WDR11: variants seen among roughly 807,000 people sequenced by gnomAD.
The protein encoded by WDR11 is WD repeat-containing protein 11.
A neutral mutation model predicts 151.2 loss-of-function variants in WDR11; 83 were observed. That is an observed-to-expected ratio of 0.55 (90% CI 0.46 to 0.66). WDR11 has a LOEUF of 0.66. Ranked by LOEUF, WDR11 falls within the 30% of genes least tolerant of loss-of-function variation. WDR11 has a pLI of 0.00. For missense variants in WDR11, 1,301 were observed against 1,480.9 expected (o/e 0.88, Z 1.99); for synonymous variants, 484 against 533.1 (o/e 0.91, Z 1.27).
chr10:120,888,720 C>T (rs1847310736), intron 16 of WDR11, among the ~76,000 whole-genome samples: 1 of 152,122 alleles, frequency 6.6e-6, no homozygotes, highest in Admixed American at 6.6e-5. Flanking sequence ...TATCCTTTTG[C>T]AGTGAGAGAT....
rs147636256 is a variant in WDR11, at chr10:120,878,065, C to A, written c.1557-288C>A. On this transcript the variant is annotated intron_variant, in intron 11 of 28. Coordinates refer to ENST00000263461, the MANE Select transcript of WDR11 (RefSeq NM_018117.12). ...TGAAACTACTGTCATATGACTCTCT[C>A]CCTGGCCAGATTTTAATAGTCATAC... is the stretch of plus-strand genomic sequence containing the variant. Among the ~76,000 whole-genome samples, 973 of 152,220 alleles carry A rather than the reference C, an allele frequency of 6.4e-3. 22 individuals carry two copies. The highest frequency in any genetic ancestry group is 3.8e-3 in the Non-Finnish European group (260 of 68,008).
chr10:120,874,349 G>T (rs1372727762), intron 11 of WDR11, among the ~76,000 whole-genome samples: 1 of 150,168 alleles, frequency 6.7e-6, no homozygotes, highest in Non-Finnish European at 1.5e-5. Flanking sequence ...CCTTGTTCAG[G>T]TTTATTTTAT....
intron 19 of WDR11, among the ~76,000 whole-genome samples, chr10:120,892,541 A>T (rs927682084): frequency 6.6e-6 from 1 of 152,186 alleles, no homozygotes; most frequent in Admixed American, 6.5e-5. Context: ...GAGGAAAAAA[A>T]GTTTGAGGTA....
At chr10:120,906,122 G>T in intron 27 of WDR11, 101 bp downstream of exon 27, 1 of 1,600,112 alleles carries the variant, frequency 6.2e-7, no homozygotes, top group Non-Finnish European at 8.5e-7. Flanking sequence ...TGTGTAAAGT[G>T]AAAGGAGAAG....
chr10:120,857,597 A>G (rs1845993481), intron 2 of WDR11, among the ~76,000 whole-genome samples: 2 of 152,096 alleles, frequency 1.3e-5, no homozygotes, highest in African/African-American at 4.8e-5. Context: ...TTACAGGAAA[A>G]CCTTAAGGCC....
At chr10:120,889,227 G>A in intron 17 of WDR11, 43 bp downstream of exon 17, 1 of 1,156,824 alleles carries the variant, frequency 8.6e-7, no homozygotes, top group South Asian at 1.3e-5. Context: ...TTAAAAAAAA[G>A]AAATGAAATC....
rs771060813 is a variant in WDR11, at chr10:120,865,653, T to C, written c.903T>C (p.Asp301=). 6.2e-7 allele frequency: 1 copy of C among 1,610,290 alleles called. No homozygotes were observed. Residue 301 remains aspartate (D), a synonymous_variant, in exon 7 of 29, where the codon GAT becomes GAC. Coordinates refer to ENST00000263461, the MANE Select transcript of WDR11 (RefSeq NM_018117.12). ...FLQVIPCFQR[D]GLFCLHENGC... is the part of the protein sequence containing the mutation. The stretch of plus-strand genomic sequence containing the variant: ...AGGTAATACCCTGCTTTCAGCGTGA[T>C]GGTTTATTTTGTCTACATGAAAATG...
At position 120,852,619 on chromosome 10, in the gene WDR11, A is replaced by C; in HGVS notation, c.182A>C (p.Lys61Thr). 6.2e-7 allele frequency: 1 copy of C among 1,613,942 alleles called. No individual in the cohort carries two copies. The highest frequency in any genetic ancestry group is 8.5e-7 in the Non-Finnish European group (1 of 1,179,892). ...AQTLQVLEKH[K>T]ADVVKVKWAR... is the part of the protein sequence containing the mutation. ...ACTCTTCAAGTTTTAGAAAAGCATA[A>C]AGCTGATGTTGTAAAGGTAAGTAAA... Residue 61 changes from lysine to threonine, a missense_variant, in exon 2 of 29, where the codon AAA becomes ACA. Lys to Thr is a moderately conservative substitution (Grantham distance 78). Transcript: ENST00000263461.
intron 5 of WDR11, among the ~76,000 whole-genome samples, chr10:120,864,703 A>G (rs1846254895): frequency 6.6e-6 from 1 of 152,208 alleles, no homozygotes; most frequent in African/African-American, 2.4e-5. Context: ...AGTACTTTTA[A>G]TGACAAAGTA....
At chr10:120,869,822 G>A (rs1045913281) in intron 9 of WDR11, among the ~76,000 whole-genome samples, 1 of 151,566 alleles carries the variant, frequency 6.6e-6, no homozygotes, top group African/African-American at 2.4e-5. Context: ...ATGGAGTCTC[G>A]CTCTGTCACC....
At chr10:120,889,674 T>G in intron 17 of WDR11, 2 of 560,362 alleles carry the variant, frequency 3.6e-6, no homozygotes, top group Non-Finnish European at 6.4e-6. Context: ...GAGCCAAGCA[T>G]TCTTAGGAGA....
intron 11 of WDR11, among the ~76,000 whole-genome samples, 169 bp downstream of exon 11, chr10:120,874,092 ATTCT>A (rs1180784716): frequency 6.6e-6 from 1 of 151,920 alleles, no homozygotes; most frequent in Non-Finnish European, 1.5e-5. Context: ...ATGATAACTA[ATTCT>A]TTGCTGTGTA....
At chr10:120,884,322 A>G (rs1847137050) in intron 14 of WDR11, among the ~76,000 whole-genome samples, 1 of 152,182 alleles carries the variant, frequency 6.6e-6, no homozygotes, top group African/African-American at 2.4e-5. Flanking sequence ...AACCTAATAA[A>G]GAGCTCAGGA....
intron 2 of WDR11, among the ~76,000 whole-genome samples, chr10:120,855,386 CTT>C (rs1235837037): frequency 2.0e-5 from 3 of 151,646 alleles, no homozygotes; most frequent in African/African-American, 4.9e-5. Context: ...TATTTTTAGA[CTT>C]TTTTGTGTCA....
chr10:120,908,432 T>G, intron 28 of WDR11, 124 bp from the exon 29 acceptor site: 1 of 999,374 alleles, frequency 1.0e-6, no homozygotes, highest in South Asian at 1.3e-5. Context: ...CTGCCCGCTG[T>G]GGACACCAGG....
chr10:120,862,499 T>A (rs867904604), intron 4 of WDR11: 2 of 429,310 alleles, frequency 4.7e-6, no homozygotes, highest in Non-Finnish European at 8.3e-6. Flanking sequence ...CCTTATGTTA[T>A]CTTTTTAATA....
intron 9 of WDR11, among the ~76,000 whole-genome samples, chr10:120,869,360 G>A (rs1010454865): frequency 2.0e-5 from 3 of 151,938 alleles, no homozygotes; most frequent in Non-Finnish European, 4.4e-5. Context: ...TGATCCGCCC[G>A]CCTCGGCCTC....
rs969261972 is a variant in WDR11, at chr10:120,903,224, T to C, written c.2923T>C (p.Tyr975His). ...ICYDVLCENA[Y>H]FQKFQLERVN... is the part of the protein sequence containing the mutation. ...CTATGACGTGCTCTGTGAAAATGCCTACTTTCAGGTAGTCTGCTTCACACA... is the reference window on the plus strand; with the variant it reads ...CTATGACGTGCTCTGTGAAAATGCCCACTTTCAGGTAGTCTGCTTCACACA... Residue 975 changes from tyrosine to histidine, a missense_variant, in exon 23 of 29, where the codon TAC becomes CAC. Physicochemically the swap from Tyr to His is moderately conservative, Grantham distance 83. This residue lies in a region of WDR11 where 589 missense variants were observed against 670.6 expected (regional missense o/e 0.88). Transcript: ENST00000263461. 1 of 1,614,202 alleles carries C rather than the reference T, an allele frequency of 6.2e-7. No individual in the cohort carries two copies. Among genetic ancestry groups the C allele is most frequent in the African/African-American group, 1.3e-5 (1 of 75,072 alleles).
At chr10:120,866,943 G>C (rs1003022419) in intron 8 of WDR11, 123 bp from the exon 9 acceptor site, 1 of 1,053,592 alleles carries the variant, frequency 9.5e-7, no homozygotes, top group Non-Finnish European at 1.4e-6. Flanking sequence ...TCACCTATGG[G>C]TAAGATGAAT....
Sources: allele counts gnomAD v4.1 joint callset (sites outside exome capture counted in the v4.1 genomes callset), GRCh38; gene constraint gnomAD v4.1.1; regional missense constraint gnomAD v4.1.1; transcripts MANE v1.5; gene names NCBI Gene and HGNC (gene_info 2026-07-23, HGNC 2026-07-21).